IMMP2L: variants seen among roughly 807,000 people sequenced by gnomAD.
IMMP2L encodes inner mitochondrial membrane peptidase subunit 2, also known as mitochondrial inner membrane protease subunit 2.
Under a neutral mutation model 19.3 loss-of-function variants are expected in IMMP2L, and 18 were observed. The observed-to-expected ratio is 0.93, with a 90% CI of 0.64 to 1.38. IMMP2L has a LOEUF of 1.38. Ranked by LOEUF, IMMP2L falls within the 40% of genes most tolerant of loss-of-function variation. The pLI is 0.00. For synonymous variants in IMMP2L, 76 were observed against 73.0 expected, an observed-to-expected ratio of 1.04 and a Z score of -0.21; for missense variants, 233 against 218.2, an observed-to-expected ratio of 1.07 and a Z score of -0.43.
At chr7:110,695,216 G>A (rs1164093876) in intron 5 of IMMP2L, among the ~76,000 whole-genome samples, 4 of 152,182 alleles carry the variant, frequency 2.6e-5, no homozygotes, top group Non-Finnish European at 4.4e-5. Context: ...TATTGAGACA[G>A]GGTCTTGCTC....
intron 3 of IMMP2L, among the ~76,000 whole-genome samples, chr7:111,444,951 T>A (rs1019273258): frequency 6.6e-6 from 1 of 152,144 alleles, no homozygotes; most frequent in Admixed American, 6.5e-5. Context: ...TACGTTTTTC[T>A]TGTAACAGTT....
intron 3 of IMMP2L, among the ~76,000 whole-genome samples, chr7:111,321,219 T>C (rs1824671760): frequency 6.6e-6 from 1 of 151,880 alleles, no homozygotes; most frequent in South Asian, 2.1e-4. Context: ...CCTACGATAA[T>C]ACCAAAAAAG....
At chr7:111,539,632 T>G (rs1374752825) in intron 1 of IMMP2L, among the ~76,000 whole-genome samples, 1 of 135,396 alleles carries the variant, frequency 7.4e-6, no homozygotes, top group Non-Finnish European at 1.5e-5. Flanking sequence ...TTTTATCTGG[T>G]TTTTTTTTTT....
intron 3 of IMMP2L, among the ~76,000 whole-genome samples, chr7:111,054,500 T>G (rs1017689391): frequency 3.9e-5 from 6 of 152,214 alleles, no homozygotes; most frequent in Non-Finnish European, 8.8e-5. Flanking sequence ...TGTAGAATTA[T>G]CTTTACCAAT....
intron 3 of IMMP2L, among the ~76,000 whole-genome samples, chr7:110,963,986 GA>G (rs56956187): frequency 0.68 from 103,368 of 151,664 alleles, 36,176 homozygotes; most frequent in African/African-American, 0.82. Flanking sequence ...TATGGGGTTG[GA>G]TTCCCTCATG....
intron 5 of IMMP2L, among the ~76,000 whole-genome samples, chr7:110,761,960 C>T (rs1584750609): frequency 1.3e-5 from 2 of 152,126 alleles, no homozygotes; most frequent in South Asian, 2.1e-4. Flanking sequence ...ACACGGGGTC[C>T]GTACCTCTGC....
At chr7:110,943,382 T>C (rs1045985123) in intron 4 of IMMP2L, among the ~76,000 whole-genome samples, 10 of 151,956 alleles carry the variant, frequency 6.6e-5, no homozygotes, top group Admixed American at 2.0e-4. Flanking sequence ...TTTAGTAGAG[T>C]GTATCCTTGT....
chr7:110,664,020 G>A (rs543216156), intron 5 of IMMP2L, among the ~76,000 whole-genome samples: 1 of 152,120 alleles, frequency 6.6e-6, no homozygotes, highest in African/African-American at 2.4e-5. Flanking sequence ...AGCTCAAAGA[G>A]GTTAAAAAAT....
At chr7:110,865,289 C>G (rs1807872096) in intron 5 of IMMP2L, among the ~76,000 whole-genome samples, 1 of 151,880 alleles carries the variant, frequency 6.6e-6, no homozygotes, top group East Asian at 1.9e-4. Flanking sequence ...TAAACATCCT[C>G]TAAAAGTAAA....
intron 5 of IMMP2L, among the ~76,000 whole-genome samples, chr7:110,751,894 A>C (rs1797744042): frequency 6.6e-6 from 1 of 151,966 alleles, no homozygotes; most frequent in African/African-American, 2.4e-5. Flanking sequence ...GCATCCCAAA[A>C]CCTTTAACTT....
intron 3 of IMMP2L, among the ~76,000 whole-genome samples, chr7:111,193,065 T>C (rs533549013): frequency 1.2e-4 from 18 of 152,070 alleles, no homozygotes; most frequent in African/African-American, 4.3e-4. Context: ...TAAATGGAGA[T>C]ATTGAGTAAA....
chr7:111,439,946 T>C (rs1017890122), intron 3 of IMMP2L, among the ~76,000 whole-genome samples: 2 of 151,956 alleles, frequency 1.3e-5, no homozygotes, highest in Non-Finnish European at 2.9e-5. Flanking sequence ...TCACCAGGCA[T>C]AGATTCCATC....
intron 5 of IMMP2L, among the ~76,000 whole-genome samples, chr7:110,810,120 T>C (rs1486396903): frequency 2.0e-5 from 3 of 152,040 alleles, no homozygotes; most frequent in Non-Finnish European, 2.9e-5. Flanking sequence ...CAGCTGGAAA[T>C]GTTTTGCTTA....
At chr7:111,341,827 C>A (rs1004335241) in intron 3 of IMMP2L, among the ~76,000 whole-genome samples, 3 of 152,090 alleles carry the variant, frequency 2.0e-5, no homozygotes, top group Non-Finnish European at 4.4e-5. Flanking sequence ...ATGCAGGCTC[C>A]ACCTTTATGC....
At chr7:111,281,880 A>T (rs1819924585) in intron 3 of IMMP2L, among the ~76,000 whole-genome samples, 1 of 152,198 alleles carries the variant, frequency 6.6e-6, no homozygotes, top group Non-Finnish European at 1.5e-5. Context: ...ATGGTAGGAC[A>T]ACTAAGGTTG....
intron 3 of IMMP2L, among the ~76,000 whole-genome samples, chr7:111,017,420 G>A (rs995556294): frequency 6.6e-6 from 1 of 151,940 alleles, no homozygotes; most frequent in African/African-American, 2.4e-5. Context: ...AAAAGTCTAG[G>A]ATAACATAAT....
intron 3 of IMMP2L, among the ~76,000 whole-genome samples, chr7:111,399,935 C>T (rs1211707852): frequency 6.6e-6 from 1 of 151,796 alleles, no homozygotes; most frequent in Admixed American, 6.6e-5. Context: ...ATGTAGAACA[C>T]ATCAATTATA....
At chr7:110,981,394 A>G (rs1334361050) in intron 3 of IMMP2L, among the ~76,000 whole-genome samples, 1 of 152,132 alleles carries the variant, frequency 6.6e-6, no homozygotes, top group Non-Finnish European at 1.5e-5. Context: ...GTCATGCCTT[A>G]TACAGCTCAT....
intron 1 of IMMP2L, among the ~76,000 whole-genome samples, chr7:111,546,317 A>G (rs1190384295): frequency 6.6e-6 from 1 of 152,124 alleles, no homozygotes; most frequent in Non-Finnish European, 1.5e-5. Flanking sequence ...CTAGTTCCCT[A>G]TACCCTCAAT....
Sources: allele counts gnomAD v4.1 joint callset (sites outside exome capture counted in the v4.1 genomes callset), GRCh38; gene constraint gnomAD v4.1.1; transcripts MANE v1.5; gene names NCBI Gene and HGNC (gene_info 2026-07-23, HGNC 2026-07-21).